The following NCAM1 variants were observed in gnomAD, a reference collection of about 807,000 sequenced individuals.
NCAM1 encodes neural cell adhesion molecule 1.
In NCAM1, 14 loss-of-function variants were observed where a neutral mutation model predicts 109.8. That is an observed-to-expected ratio of 0.13 (90% CI 0.08 to 0.20). The LOEUF (loss-of-function observed/expected upper bound fraction) is 0.20, where lower values mean the gene tolerates loss of function less well. Ranked by LOEUF, NCAM1 falls within the 10% of genes least tolerant of loss-of-function variation. NCAM1 has a pLI of 1.00. For synonymous variants in NCAM1, 418 were observed against 442.9 expected, an observed-to-expected ratio of 0.94 and a Z score of 0.70; for missense variants, 774 against 1,109.9, an observed-to-expected ratio of 0.70 and a Z score of 4.30.
chr11:113,025,778 C>CGAGAGAGAGAGAGA (rs199893109), intron 1 of NCAM1, among the ~76,000 whole-genome samples: 7 of 118,812 alleles, frequency 5.9e-5, no homozygotes, highest in African/African-American at 1.7e-4. Flanking sequence ...CACAGGGAGC[C>CGAGAGAGAGAGAGA]GAGAGAGAGA....
chr11:112,989,470 A>G (rs1331260966), intron 1 of NCAM1, among the ~76,000 whole-genome samples: 12 of 151,600 alleles, frequency 7.9e-5, no homozygotes, highest in African/African-American at 2.9e-4. Flanking sequence ...TTTTTATTTT[A>G]TGTTTCTGTT....
In NCAM1 at chr11:113,199,835, A is replaced by G. The variant is rs985531193; in HGVS notation, c.53-2544A>G. 1.8e-3 allele frequency among the ~76,000 whole-genome samples: 271 copies of G among 151,218 alleles called. 5 individuals carry two copies. The highest frequency in any genetic ancestry group is 6.2e-3 in the African/African-American group (257 of 41,180). On this transcript the variant is annotated intron_variant, in intron 1 of 19. Coordinates refer to ENST00000316851, the MANE Select transcript of NCAM1 (RefSeq NM_181351.5). ...AAAGTAAAAGAAACACCCTTAAAAA[A>G]AAAAAAAAAAAAAACTTCTGTGATG...
At chr11:113,211,145 A>C (rs1198061064) in intron 7 of NCAM1, among the ~76,000 whole-genome samples, 4 of 152,174 alleles carry the variant, frequency 2.6e-5, no homozygotes, top group Non-Finnish European at 5.9e-5. Flanking sequence ...GGGAGGGACC[A>C]GCTGATTAGG....
chr11:113,017,117 C>T (rs952706837), intron 1 of NCAM1, among the ~76,000 whole-genome samples: 4 of 152,170 alleles, frequency 2.6e-5, no homozygotes, highest in Admixed American at 6.5e-5. Context: ...CAGTTTGAAT[C>T]CTTGACTCTT....
intron 1 of NCAM1, among the ~76,000 whole-genome samples, chr11:113,075,519 G>A (rs1269471421): frequency 2.6e-5 from 4 of 152,138 alleles, no homozygotes; most frequent in African/African-American, 9.7e-5. Flanking sequence ...AGCTATCTTT[G>A]GAACTCAGCT....
At chr11:113,236,191 C>T in intron 14 of NCAM1, 1 of 1,110,568 alleles carries the variant, frequency 9.0e-7, no homozygotes, top group South Asian at 1.4e-5. Flanking sequence ...GAGTTTCCAG[C>T]TCCATGTGCT....
At chr11:113,227,146 G>T (rs544917058) in intron 9 of NCAM1, among the ~76,000 whole-genome samples, 7 of 151,498 alleles carry the variant, frequency 4.6e-5, no homozygotes, top group African/African-American at 1.2e-4. Context: ...CCAGGAGCTG[G>T]TTTTTTTTAA....
At chr11:113,142,770 G>C (rs75868324) in intron 1 of NCAM1, among the ~76,000 whole-genome samples, 2 of 152,078 alleles carry the variant, frequency 1.3e-5, no homozygotes, top group East Asian at 3.9e-4. Flanking sequence ...GTTCTCTGGC[G>C]GGTGTGTATA....
chr11:113,186,496 G>T (rs1453314948), intron 1 of NCAM1, among the ~76,000 whole-genome samples: 1 of 152,158 alleles, frequency 6.6e-6, no homozygotes, highest in Non-Finnish European at 1.5e-5. Context: ...CACAGTAAGA[G>T]GTTTGATTAA....
Position 113,255,917 on chromosome 11 carries a change from G to C in NCAM1, c.1869G>C (p.Glu623Asp). The C allele has an allele frequency of 6.2e-7, 1 of 1,612,096 alleles. No individual in the cohort carries two copies. The highest frequency in any genetic ancestry group is 1.6e-4 in the Middle Eastern group (1 of 6,062). ...SAPKLEGQMG[E>D]DGNSIKVNLI... ...CTAAGCTCGAAGGGCAGATGGGAGAGGATGGAAACTCTATTAAAGTGAACC... is the reference window on the plus strand; with the variant it reads ...CTAAGCTCGAAGGGCAGATGGGAGACGATGGAAACTCTATTAAAGTGAACC... Residue 623 changes from glutamate (E) to aspartate (D), a missense_variant, in exon 16 of 20, where the codon GAG becomes GAC. By Grantham distance (45) the Glu-to-Asp change is conservative. Transcript: ENST00000316851.
intron 1 of NCAM1, among the ~76,000 whole-genome samples, chr11:113,123,625 G>A (rs1200073153): frequency 6.6e-6 from 1 of 152,168 alleles, no homozygotes; most frequent in African/African-American, 2.4e-5. Flanking sequence ...CCTGCCAGGT[G>A]GGAGACATCC....
intron 1 of NCAM1, among the ~76,000 whole-genome samples, chr11:113,006,799 C>T (rs1951903105): frequency 6.6e-6 from 1 of 152,086 alleles, no homozygotes; most frequent in Non-Finnish European, 1.5e-5. Context: ...AGATTCCAGC[C>T]GTGGGACAGG....
At chr11:113,038,871 G>A (rs1310533004) in intron 1 of NCAM1, among the ~76,000 whole-genome samples, 1 of 152,162 alleles carries the variant, frequency 6.6e-6, no homozygotes, top group Non-Finnish European at 1.5e-5. Context: ...CTTATGGCTG[G>A]TTCTGTGCTT....
intron 1 of NCAM1, among the ~76,000 whole-genome samples, chr11:113,171,185 G>A (rs535697584): frequency 6.6e-6 from 1 of 152,308 alleles, no homozygotes; most frequent in Non-Finnish European, 1.5e-5. Context: ...ATGGAAACAG[G>A]TGTTCAGAGA....
intron 1 of NCAM1, among the ~76,000 whole-genome samples, chr11:113,135,071 G>T (rs1313492389): frequency 6.6e-6 from 1 of 152,134 alleles, no homozygotes; most frequent in East Asian, 1.9e-4. Context: ...TTTTCCCAAA[G>T]TTCTCTTGGG....
chr11:113,189,449 CAAAAAAAAA>C (rs10712434), intron 1 of NCAM1, among the ~76,000 whole-genome samples: 2 of 118,044 alleles, frequency 1.7e-5, no homozygotes, highest in African/African-American at 6.1e-5. Flanking sequence ...GATTCTGTCT[CAAAAAAAAA>C]AAAAAAAAAG....
chr11:113,207,900 C>A lies in NCAM1; in HGVS notation c.814C>A (p.Leu272Met), dbSNP rs372813723. The A allele has an allele frequency of 3.1e-6, 5 of 1,612,278 alleles. No homozygotes were observed. The African/African-American group carries it at 6.7e-5, about 22-fold the overall frequency. ...KYIFSDDSSQ[L>M]TIKKVDKNDE... ...CATCTTCAGCGACGATAGTTCCCAG[C>A]TGACCATCAAAAAGGTGGATAAGAA... Residue 272 changes from leucine to methionine, a missense_variant, in exon 7 of 20, where the codon CTG becomes ATG. Coordinates refer to ENST00000316851, the MANE Select transcript of NCAM1 (RefSeq NM_181351.5).
intron 1 of NCAM1, among the ~76,000 whole-genome samples, chr11:113,053,123 G>T (rs1555082064): frequency 6.6e-6 from 1 of 152,118 alleles, no homozygotes; most frequent in Admixed American, 6.5e-5. Flanking sequence ...GCTCCCACTT[G>T]TTCAGCTCTC....
At chr11:113,170,761 T>C (rs1942963254) in intron 1 of NCAM1, among the ~76,000 whole-genome samples, 1 of 152,236 alleles carries the variant, frequency 6.6e-6, no homozygotes, top group Non-Finnish European at 1.5e-5. Flanking sequence ...TTCTCTTTCA[T>C]ACTACATGGA....
Sources: allele counts gnomAD v4.1 joint callset (sites outside exome capture counted in the v4.1 genomes callset), GRCh38; gene constraint gnomAD v4.1.1; transcripts MANE v1.5; gene names NCBI Gene and HGNC (gene_info 2026-07-23, HGNC 2026-07-21).